The following BPIFA1 variants were observed in gnomAD, a reference collection of about 807,000 sequenced individuals.
BPIFA1 encodes the protein BPI fold containing family A member 1, also known as BPI fold-containing family A member 1.
In BPIFA1, 24 loss-of-function variants were observed where a neutral mutation model predicts 25.1. The ratio of observed to expected loss-of-function variants is 0.96; its 90% CI spans 0.69 to 1.35. The LOEUF (loss-of-function observed/expected upper bound fraction) is 1.35, where lower values mean the gene tolerates loss of function less well. Ranked by LOEUF, BPIFA1 falls within the 40% of genes most tolerant of loss-of-function variation. The pLI is 0.00. For synonymous variants in BPIFA1, 139 were observed against 131.8 expected, an observed-to-expected ratio of 1.05 and a Z score of -0.37; for missense variants, 344 against 303.7, an observed-to-expected ratio of 1.13 and a Z score of -0.99.
intron 6 of BPIFA1, among the ~76,000 whole-genome samples, chr20:33,241,720 G>T (rs1222245573): frequency 6.6e-6 from 1 of 152,170 alleles, no homozygotes; most frequent in Admixed American, 6.5e-5. Flanking sequence ...CCTGTTCTGA[G>T]AAATTGGAGA....
rs369701039 is a variant in BPIFA1 at position 33,236,949 on chromosome 20, T to C, written c.-15-748T>C. Among the ~76,000 whole-genome samples, 198 of 152,238 alleles carry C rather than the reference T, an allele frequency of 1.3e-3. 1 individual carries two copies. In the South Asian group the frequency reaches 0.019, roughly 15 times the overall value. ...GTGGCCATGCGACCCCTGTATTGTGTGACTTTCAAGGGCATCCACCAACCA... is the reference window on the plus strand; with the variant it reads ...GTGGCCATGCGACCCCTGTATTGTGCGACTTTCAAGGGCATCCACCAACCA... On this transcript the variant is annotated intron_variant, in intron 1 of 8. Coordinates refer to ENST00000354297, the MANE Select transcript of BPIFA1 (RefSeq NM_130852.3).
intron 1 of BPIFA1, among the ~76,000 whole-genome samples, chr20:33,236,258 A>G (rs1978672152): frequency 6.6e-6 from 1 of 152,230 alleles, no homozygotes; most frequent in African/African-American, 2.4e-5. Context: ...GGCACTATTA[A>G]TGCCGTAAAT....
intron 7 of BPIFA1, 72 bp from the exon 8 acceptor site, chr20:33,242,415 G>A (rs1979024693): frequency 1.3e-6 from 2 of 1,564,630 alleles, no homozygotes; most frequent in East Asian, 4.5e-5. Context: ...CCCCCACCTT[G>A]AGGAATATGG....
intron 6 of BPIFA1, 41 bp from the exon 7 acceptor site, chr20:33,242,015 G>A (rs1381068553): frequency 1.3e-6 from 2 of 1,574,966 alleles, no homozygotes; most frequent in Admixed American, 3.3e-5. Context: ...TGCTGCTCCA[G>A]GGTGCCACTC....
chr20:33,238,133 G>A lies in BPIFA1; in HGVS notation c.239G>A (p.Gly80Glu), dbSNP rs1294012997. The A allele has an allele frequency of 2.5e-6, 4 of 1,614,000 alleles. No homozygotes were observed. In the African/African-American group the frequency reaches 4.0e-5, roughly 16 times the overall value. The change falls in exon 3 of 9, where the codon GGA becomes GAA. Residue 80 changes from glycine to glutamate, a missense_variant. Coordinates refer to ENST00000354297, the MANE Select transcript of BPIFA1 (RefSeq NM_130852.3). ...NLPLLDILKP[G>E]GGTSGGLLGG... ...CCGCTCCTGGACATCCTGAAGCCTG[G>A]AGGAGGTACTTCTGGTGGCCTCCTT...
Position 33,239,889 on chromosome 20 carries a change from G to A in BPIFA1, c.407G>A (p.Gly136Asp). The A allele has an allele frequency of 1.2e-6, 2 of 1,614,068 alleles. No homozygotes were observed. Among genetic ancestry groups the A allele is most frequent in the South Asian group, 1.1e-5 (1 of 91,084 alleles). The change falls in exon 4 of 9, where the codon GGC becomes GAC. Residue 136 changes from glycine (G) to aspartate (D), a missense_variant. Transcript: ENST00000354297. ...GHRLYVTIPL[G>D]IKLQVNTPLV... The stretch of plus-strand genomic sequence containing the variant: ...CGTCTCTATGTCACCATCCCTCTCG[G>A]CATAAAGCTCCAAGTGAATACGTGA...
Position 33,238,199 on chromosome 20 carries a change from T to C in BPIFA1, c.305T>C (p.Leu102Pro). 2 of 1,612,974 alleles carry C rather than the reference T, an allele frequency of 1.2e-6. No homozygotes were observed. Among genetic ancestry groups the C allele is most frequent in the Admixed American group, 1.7e-5 (1 of 59,818 alleles). ...AAAGTGACGTCAGTGATTCCTGGCC[T>C]GAACAACATCATTGAGTGAGTTGTC... ...LGKVTSVIPG[L>P]NNIIDIKVTD... Residue 102 changes from leucine (L) to proline (P), a missense_variant, in exon 3 of 9, where the codon CTG becomes CCG. By Grantham distance (98) the Leu-to-Pro change is moderately conservative. Coordinates refer to ENST00000354297, the MANE Select transcript of BPIFA1 (RefSeq NM_130852.3).
chr20:33,240,381 G>A lies in BPIFA1; in HGVS notation c.577G>A (p.Asp193Asn), dbSNP rs764794817. Residue 193 changes from aspartate (D) to asparagine (N), a missense_variant, in exon 5 of 9, where the codon GAT becomes AAT. Coordinates refer to ENST00000354297, the MANE Select transcript of BPIFA1 (RefSeq NM_130852.3). ...SPGSLQISLL[D>N]GLGPLPIQGL... is the part of the protein sequence containing the mutation. ...TGGAAGCCTGCAAATTTCTCTGCTT[G>A]ATGGGTGAGGCCAGAGGAGCAGCTT... 3 of 1,614,078 alleles carry A rather than the reference G, an allele frequency of 1.9e-6. No homozygotes were observed. In the South Asian group the frequency reaches 3.3e-5, roughly 18 times the overall value.
chr20:33,242,474 T>C lies in BPIFA1; in HGVS notation c.731-13T>C. 2 of 1,613,256 alleles carry C rather than the reference T, an allele frequency of 1.2e-6. No homozygotes were observed. The highest frequency in any genetic ancestry group is 1.7e-6 in the Non-Finnish European group (2 of 1,179,356). On this transcript the variant is annotated splice_polypyrimidine_tract_variant and intron_variant, in intron 7 of 8. Transcript: ENST00000354297. ...CTGTCGTCTGTTTTTTTATTGCTTG[T>C]TTGTTTGTTTAGACATGCTGATCCA...
At chr20:33,240,907 G>A (rs6119348) in intron 5 of BPIFA1, among the ~76,000 whole-genome samples, 10,372 of 152,250 alleles carry the variant, frequency 0.068, 1,218 homozygotes, top group African/African-American at 0.24. Context: ...GATAACAGGT[G>A]TGAAAGTGCT....
intron 3 of BPIFA1, among the ~76,000 whole-genome samples, chr20:33,238,805 C>T (rs530366790): frequency 6.6e-6 from 1 of 152,216 alleles, no homozygotes; most frequent in Non-Finnish European, 1.5e-5. Flanking sequence ...AGAATGGAAG[C>T]TTGATGCCAG....
At chr20:33,241,859 G>T (rs1191661025) in intron 6 of BPIFA1, among the ~76,000 whole-genome samples, 197 bp from the exon 7 acceptor site, 4 of 152,192 alleles carry the variant, frequency 2.6e-5, no homozygotes, top group Non-Finnish European at 2.9e-5. Context: ...TGGGCTTGTT[G>T]TGTGATTTGG....
intron 8 of BPIFA1, 149 bp downstream of exon 8, chr20:33,242,710 A>G (rs1979042221): frequency 3.1e-6 from 2 of 636,092 alleles, no homozygotes; most frequent in African/African-American, 1.8e-5. Context: ...AAATCCACAG[A>G]AAAGCTGACA....
At chr20:33,236,959 G>C (rs1053234379) in intron 1 of BPIFA1, among the ~76,000 whole-genome samples, 5 of 152,116 alleles carry the variant, frequency 3.3e-5, no homozygotes, top group African/African-American at 1.2e-4. Context: ...TGACTTTCAA[G>C]GGCATCCACC....
At chr20:33,239,986 G>A (rs933956436) in intron 4 of BPIFA1, 76 bp downstream of exon 4, 3 of 1,474,364 alleles carry the variant, frequency 2.0e-6, no homozygotes, top group Non-Finnish European at 2.8e-6. Flanking sequence ...ACCATAACGG[G>A]GGTATTGGAG....
chr20:33,241,496 G>A (rs1436763695), intron 6 of BPIFA1, 27 bp downstream of exon 6: 3 of 1,583,796 alleles, frequency 1.9e-6, no homozygotes, highest in South Asian at 1.1e-5. Flanking sequence ...GGGATCCCCT[G>A]ATCCTCAGGT....
chr20:33,242,625 A>T (rs1979037861), intron 8 of BPIFA1, 64 bp downstream of exon 8: 6 of 1,215,088 alleles, frequency 4.9e-6, no homozygotes. Context: ...GGTAGAAGGC[A>T]GACGGGAGCT....
In BPIFA1 at chr20:33,241,479, CA is replaced by C. The variant is rs1243995232; in HGVS notation, c.666+12del. 6.2e-7 allele frequency: 1 copy of C among 1,604,186 alleles called. No homozygotes were observed. Among genetic ancestry groups the C allele is most frequent in the Non-Finnish European group, 8.5e-7 (1 of 1,170,988 alleles). Reference sequence around the variant, plus strand: ...GTTGGTTCAGGGCAACGTAAGTAGGCAAGGTGGGGATCCCCTGATCCTCAGG... The same window carrying C: ...GTTGGTTCAGGGCAACGTAAGTAGGCAGGTGGGGATCCCCTGATCCTCAGG... On this transcript the variant is annotated intron_variant, in intron 6 of 8. Transcript: ENST00000354297.
At chr20:33,239,091 G>T (rs1246786889) in intron 3 of BPIFA1, among the ~76,000 whole-genome samples, 4 of 152,120 alleles carry the variant, frequency 2.6e-5, no homozygotes, top group Non-Finnish European at 4.4e-5. Flanking sequence ...TCAGTGAATG[G>T]CCTCACCCAT....
Sources: gnomAD v4.1 joint callset for allele counts (sites outside exome capture counted in the v4.1 genomes callset) on GRCh38, gnomAD v4.1.1 for gene constraint, MANE v1.5 for transcripts, NCBI Gene and HGNC (gene_info 2026-07-23, HGNC 2026-07-21) for gene names.